BNC2: variants seen among roughly 807,000 people sequenced by gnomAD.
BNC2 encodes basonuclin zinc finger protein 2.
In BNC2, 20 loss-of-function variants were observed where a neutral mutation model predicts 76.3. The observed-to-expected ratio is 0.26, with a 90% confidence interval of 0.18 to 0.38. The LOEUF (loss-of-function observed/expected upper bound fraction) is 0.38. BNC2 is among the 10% of genes least tolerant of loss of function. The pLI is 1.00. For missense variants in BNC2, 1,382 were observed against 1,399.8 expected, an observed-to-expected ratio of 0.99 and a Z score of 0.20; for synonymous variants, 582 against 514.8, an observed-to-expected ratio of 1.13 and a Z score of -1.77.
chr9:16,788,415 T>A (rs901499427), intron 1 of BNC2, among the ~76,000 whole-genome samples: 3 of 151,618 alleles, frequency 2.0e-5, no homozygotes, highest in Admixed American at 6.6e-5. Context: ...TAGCCGGGCG[T>A]GGTGGTAGGC....
At chr9:16,707,423 C>A (rs1259777968) in intron 3 of BNC2, among the ~76,000 whole-genome samples, 1 of 152,080 alleles carries the variant, frequency 6.6e-6, no homozygotes, top group Admixed American at 6.6e-5. Flanking sequence ...CTTCTTATAT[C>A]AAGTTAATCA....
intron 5 of BNC2, among the ~76,000 whole-genome samples, chr9:16,470,595 C>T (rs1821801757): frequency 6.6e-6 from 1 of 152,188 alleles, no homozygotes; most frequent in Admixed American, 6.5e-5. Flanking sequence ...GAACTTGGTG[C>T]CCTGTATCCC....
At chr9:16,854,622 T>G (rs1343297954) in intron 1 of BNC2, among the ~76,000 whole-genome samples, 1 of 152,086 alleles carries the variant, frequency 6.6e-6, no homozygotes, top group African/African-American at 2.4e-5. Context: ...TGTAAGGCAG[T>G]AGCATGAGGT....
intron 3 of BNC2, among the ~76,000 whole-genome samples, chr9:16,670,262 T>A (rs1822435851): frequency 6.6e-6 from 1 of 152,212 alleles, no homozygotes; most frequent in Non-Finnish European, 1.5e-5. Flanking sequence ...CAAATTACCC[T>A]GTGGCAGAAT....
intron 3 of BNC2, among the ~76,000 whole-genome samples, chr9:16,597,327 T>C (rs189582167): frequency 6.6e-6 from 1 of 152,284 alleles, no homozygotes; most frequent in East Asian, 1.9e-4. Flanking sequence ...GCTGCCTAAA[T>C]TTAAACACAA....
At position 16,798,885 on chromosome 9, in the gene BNC2, A is replaced by G. The variant is rs1422980487; in HGVS notation, c.4-60400T>C. Among the ~76,000 whole-genome samples, 4 of 152,250 alleles carry G rather than the reference A, an allele frequency of 2.6e-5. No individual in the cohort carries two copies. The South Asian group carries it at 8.3e-4, about 32-fold the overall frequency. ...AATGGTGAGCCCTTTCTGCCACTTA[A>G]GCTGTAAACACAATTGCTGACTTTG... On this transcript the variant is annotated intron_variant, in intron 1 of 6. Coordinates refer to ENST00000380672, the MANE Select transcript of BNC2 (RefSeq NM_017637.6).
At chr9:16,562,374 G>A (rs959574158) in intron 4 of BNC2, among the ~76,000 whole-genome samples, 2 of 152,168 alleles carry the variant, frequency 1.3e-5, no homozygotes, top group Non-Finnish European at 2.9e-5. Context: ...AAATGTAAGT[G>A]ATGCCCACTC....
intron 4 of BNC2, among the ~76,000 whole-genome samples, chr9:16,563,375 T>G (rs1258986841): frequency 6.6e-6 from 1 of 151,996 alleles, no homozygotes; most frequent in Non-Finnish European, 1.5e-5. Context: ...TCCTAGCACT[T>G]TGGGAGGCCT....
chr9:16,552,434 G>T, intron 5 of BNC2, 96 bp downstream of exon 5: 1 of 982,986 alleles, frequency 1.0e-6, no homozygotes, highest in Non-Finnish European at 1.6e-6. Context: ...CCAGAGGAGG[G>T]TGTGCAGCCC....
chr9:16,816,568 G>A (rs1488629753), intron 1 of BNC2, among the ~76,000 whole-genome samples: 1 of 152,108 alleles, frequency 6.6e-6, no homozygotes, highest in Non-Finnish European at 1.5e-5. Flanking sequence ...AAAGTCAAGG[G>A]AAAACAAGGA....
chr9:16,782,779 A>C (rs1826189872), intron 1 of BNC2, among the ~76,000 whole-genome samples: 1 of 152,232 alleles, frequency 6.6e-6, no homozygotes, highest in Non-Finnish European at 1.5e-5. Flanking sequence ...TCTGAAGGCC[A>C]GAAACGTCTA....
chr9:16,643,456 C>A (rs1193773435), intron 3 of BNC2, among the ~76,000 whole-genome samples: 1 of 152,114 alleles, frequency 6.6e-6, no homozygotes, highest in Non-Finnish European at 1.5e-5. Context: ...AATCCACATT[C>A]CTGGTTTTCA....
chr9:16,748,625 T>G (rs373386594), intron 1 of BNC2, among the ~76,000 whole-genome samples: 2 of 152,038 alleles, frequency 1.3e-5, no homozygotes, highest in South Asian at 2.1e-4. Context: ...GGTGGACCAC[T>G]TGAGGTCAAG....
At chr9:16,488,957 C>T (rs1405504335) in intron 5 of BNC2, among the ~76,000 whole-genome samples, 1 of 152,076 alleles carries the variant, frequency 6.6e-6, no homozygotes, top group Non-Finnish European at 1.5e-5. Context: ...TTCCAAAATG[C>T]CTAGTAAGCT....
intron 1 of BNC2, among the ~76,000 whole-genome samples, chr9:16,758,064 C>G (rs1008471758): frequency 6.6e-6 from 1 of 152,194 alleles, no homozygotes; most frequent in Non-Finnish European, 1.5e-5. Flanking sequence ...GGCTGCCATC[C>G]ATTTAAGAGA....
intron 1 of BNC2, among the ~76,000 whole-genome samples, chr9:16,853,412 A>AG (rs1289337323): frequency 1.3e-5 from 2 of 151,972 alleles, no homozygotes; most frequent in Non-Finnish European, 2.9e-5. Flanking sequence ...GTCTCAAAAA[A>AG]AAAAAAAAAA....
intron 3 of BNC2, among the ~76,000 whole-genome samples, chr9:16,675,346 C>T (rs534642318): frequency 6.6e-5 from 10 of 152,168 alleles, no homozygotes; most frequent in African/African-American, 1.2e-4. Context: ...CCTCTGCCTC[C>T]GGGCTCAAGT....
At chr9:16,762,817 T>A (rs896021467) in intron 1 of BNC2, among the ~76,000 whole-genome samples, 2 of 152,164 alleles carry the variant, frequency 1.3e-5, no homozygotes, top group African/African-American at 4.8e-5. Flanking sequence ...AGCACTGTAA[T>A]AAAATAACAG....
At chr9:16,825,915 A>G (rs1359415292) in intron 1 of BNC2, among the ~76,000 whole-genome samples, 1 of 152,156 alleles carries the variant, frequency 6.6e-6, no homozygotes, top group Non-Finnish European at 1.5e-5. Flanking sequence ...GACAGAGAGA[A>G]GGGACACTTT....
Sources: gnomAD v4.1 joint callset for allele counts (sites outside exome capture counted in the v4.1 genomes callset) on GRCh38, gnomAD v4.1.1 for gene constraint, MANE v1.5 for transcripts, NCBI Gene and HGNC (gene_info 2026-07-23, HGNC 2026-07-21) for gene names.